Variants in ARHGAP5 observed in about 807,000 individuals in gnomAD.
ARHGAP5 encodes rho GTPase-activating protein 5.
A neutral mutation model predicts 116.6 loss-of-function variants in ARHGAP5; 23 were observed. The observed-to-expected ratio is 0.20, with a 90% CI of 0.14 to 0.28. The LOEUF is 0.28. Among genes scored for constraint, ARHGAP5 ranks in the 10% least tolerant of loss-of-function variants. ARHGAP5 has a pLI of 1.00. For synonymous variants in ARHGAP5, 574 were observed against 602.0 expected (o/e 0.95, Z 0.68); for missense variants, 1,405 against 1,774.8 (o/e 0.79, Z 3.74).
intron 3 of ARHGAP5, among the ~76,000 whole-genome samples, chr14:32,129,881 A>T (rs1053885664): frequency 1.3e-5 from 2 of 152,086 alleles, no homozygotes; most frequent in Non-Finnish European, 2.9e-5. Flanking sequence ...CTATAGAAAA[A>T]CAAGCCATGC....
At chr14:32,114,121 G>A (rs1019667028) in intron 2 of ARHGAP5, among the ~76,000 whole-genome samples, 6 of 152,080 alleles carry the variant, frequency 3.9e-5, no homozygotes, top group East Asian at 1.9e-4. Flanking sequence ...CCAGCTACTC[G>A]GGAGGCTGAG....
In ARHGAP5 at chr14:32,158,368, C is replaced by T. The variant is rs1881987754; in HGVS notation, c.*3420C>T. 1 of 151,882 alleles carries T rather than the reference C, an allele frequency of 6.6e-6. No homozygotes were observed. The highest frequency in any genetic ancestry group is 2.4e-5 in the African/African-American group (1 of 41,414). 9.4% of individuals were successfully genotyped at this position (151,882 alleles called of 1,614,324 possible). ...ATTATCAGGAAAACAAGATAATGCA[C>T]AGATTTCTAAGACTAAGATCTTACC... On this transcript the variant is annotated 3_prime_UTR_variant, in exon 7 of 7. Coordinates refer to ENST00000345122, the MANE Select transcript of ARHGAP5 (RefSeq NM_001030055.2).
intron 2 of ARHGAP5, among the ~76,000 whole-genome samples, chr14:32,104,471 TGA>T (rs552168655): frequency 8.0e-4 from 122 of 152,320 alleles, no homozygotes; most frequent in African/African-American, 2.5e-3. Flanking sequence ...ATAAAGGGTG[TGA>T]GAGAGTCTTC....
chr14:32,084,759 T>G (rs1256835211), intron 1 of ARHGAP5, among the ~76,000 whole-genome samples: 1 of 152,208 alleles, frequency 6.6e-6, no homozygotes, highest in Non-Finnish European at 1.5e-5. Flanking sequence ...ACAAATTGTG[T>G]GCTTTCTGGT....
At chr14:32,139,371 A>G (rs537496346) in intron 3 of ARHGAP5, among the ~76,000 whole-genome samples, 1 of 152,188 alleles carries the variant, frequency 6.6e-6, no homozygotes, top group South Asian at 2.1e-4. Context: ...GCTTTTGATT[A>G]CTAGATCAAG....
intron 3 of ARHGAP5, among the ~76,000 whole-genome samples, chr14:32,138,941 C>T (rs551846645): frequency 1.3e-5 from 2 of 152,282 alleles, no homozygotes; most frequent in South Asian, 2.1e-4. Flanking sequence ...GCTTTTTCTA[C>T]ATCAATTGAG....
At chr14:32,120,728 T>G (rs1364533780) in intron 3 of ARHGAP5, among the ~76,000 whole-genome samples, 1 of 152,038 alleles carries the variant, frequency 6.6e-6, no homozygotes, top group African/African-American at 2.4e-5. Context: ...AGGAGTTTGA[T>G]TCCAGGTTAA....
intron 3 of ARHGAP5, among the ~76,000 whole-genome samples, chr14:32,120,007 G>A (rs761167654): frequency 1.1e-4 from 17 of 152,106 alleles, no homozygotes; most frequent in South Asian, 8.3e-4. Flanking sequence ...TTATTTTCTG[G>A]AAGAGTTTAT....
Position 32,092,924 on chromosome 14 carries a change from G to A in ARHGAP5, c.2255G>A (p.Gly752Glu). Residue 752 changes from glycine (G) to glutamate (E), a missense_variant, in exon 2 of 7, where the codon GGA becomes GAA. Coordinates refer to ENST00000345122, the MANE Select transcript of ARHGAP5 (RefSeq NM_001030055.2). This position sits in a 1 kb window ranked among gnomAD's most constrained non-coding sequence, Gnocchi z 4.1. ...NETQIKQALR[G>E]VLESVKHNLD... ...ACCCAAATAAAGCAAGCTCTCAGAG[G>A]AGTATTGGAATCAGTTAAACACAAT... The A allele has an allele frequency of 2.5e-6, 4 of 1,614,000 alleles. No homozygotes were observed. Among genetic ancestry groups the A allele is most frequent in the Non-Finnish European group, 3.4e-6 (4 of 1,179,920 alleles).
At chr14:32,138,482 C>T (rs1378973647) in intron 3 of ARHGAP5, among the ~76,000 whole-genome samples, 1 of 152,126 alleles carries the variant, frequency 6.6e-6, no homozygotes, top group Admixed American at 6.5e-5. Flanking sequence ...TGGGGTTTCA[C>T]CATGTTGCCC....
At chr14:32,135,701 G>A (rs1880753094) in intron 3 of ARHGAP5, among the ~76,000 whole-genome samples, 1 of 152,322 alleles carries the variant, frequency 6.6e-6, no homozygotes, top group South Asian at 2.1e-4. Context: ...GTGATTACAG[G>A]TGCAAGCCAC....
chr14:32,124,621 G>A (rs1434602805), intron 3 of ARHGAP5, among the ~76,000 whole-genome samples: 4 of 152,148 alleles, frequency 2.6e-5, no homozygotes, highest in South Asian at 2.1e-4. Flanking sequence ...TAGGGTGACC[G>A]TAGATGGCAT....
Position 32,117,157 on chromosome 14 carries a change from G to A in ARHGAP5, c.3735G>A (p.Lys1245=). Residue 1245 remains lysine, a synonymous_variant, in exon 3 of 7, where the codon AAG becomes AAA. Transcript: ENST00000345122. ...TCTTATAGCAGAAAAAGAAAACTAA[G>A]AACTTCAATCCACCAACACGTAGAA... ...KEDKKQKKKT[K]NFNPPTRRNW... The A allele has an allele frequency of 6.2e-7, 1 of 1,600,656 alleles. No individual in the cohort carries two copies. Among genetic ancestry groups the A allele is most frequent in the Admixed American group, 1.7e-5 (1 of 57,464 alleles).
chr14:32,135,294 A>G (rs1159978397), intron 3 of ARHGAP5, among the ~76,000 whole-genome samples: 2 of 152,244 alleles, frequency 1.3e-5, no homozygotes, highest in Non-Finnish European at 2.9e-5. Context: ...GAATGAAGGT[A>G]ACTTAGAGAA....
At chr14:32,083,030 A>G (rs974631842) in intron 1 of ARHGAP5, among the ~76,000 whole-genome samples, 1 of 152,248 alleles carries the variant, frequency 6.6e-6, no homozygotes, top group African/African-American at 2.4e-5. Flanking sequence ...TGTTCAAAAC[A>G]GTATTTCTTT....
At chr14:32,138,087 G>T (rs1880905912) in intron 3 of ARHGAP5, among the ~76,000 whole-genome samples, 1 of 151,746 alleles carries the variant, frequency 6.6e-6, no homozygotes, top group South Asian at 2.1e-4. Flanking sequence ...TTGTACAAGT[G>T]TTGTACCTTC....
intron 4 of ARHGAP5, among the ~76,000 whole-genome samples, chr14:32,148,422 A>C (rs566564830): frequency 1.3e-5 from 2 of 152,258 alleles, no homozygotes; most frequent in South Asian, 4.1e-4. Flanking sequence ...CTTCATGTCT[A>C]GTATGGGAGT....
intron 3 of ARHGAP5, among the ~76,000 whole-genome samples, chr14:32,143,727 T>G (rs1881244884): frequency 6.6e-6 from 1 of 152,208 alleles, no homozygotes; most frequent in African/African-American, 2.4e-5. Context: ...GAAATCACTG[T>G]TAATAGTGAG....
chr14:32,121,455 T>A (rs139246728), intron 3 of ARHGAP5, among the ~76,000 whole-genome samples: 1 of 152,346 alleles, frequency 6.6e-6, no homozygotes, highest in African/African-American at 2.4e-5. Context: ...AACAGTATAC[T>A]TCTCTCATGC....
Sources: allele counts gnomAD v4.1 joint callset (sites outside exome capture counted in the v4.1 genomes callset), GRCh38; gene constraint gnomAD v4.1.1; non-coding constraint Gnocchi (gnomAD v3.1); transcripts MANE v1.5; gene names NCBI Gene and HGNC (gene_info 2026-07-23, HGNC 2026-07-21).